The following SSTR3 variants were observed in gnomAD, a reference collection of about 807,000 sequenced individuals.
The protein encoded by SSTR3 is somatostatin receptor 3.
For missense variants in SSTR3, 504 were observed against 604.7 expected, an observed-to-expected ratio of 0.83 and a Z score of 1.75; for synonymous variants, 281 against 269.2, an observed-to-expected ratio of 1.04 and a Z score of -0.43.
chr22:37,210,982 A>G (rs1010099157), intron 1 of SSTR3: 3 of 985,494 alleles, frequency 3.0e-6, no homozygotes, highest in Non-Finnish European at 3.6e-6. Context: ...GAGATCCTCA[A>G]GAAGCCCAAG....
In SSTR3 at chr22:37,207,761, G is replaced by T. The variant is rs1354652511; in HGVS notation, c.43C>A (p.Pro15Thr). Residue 15 changes from proline (P) to threonine (T), a missense_variant, in exon 2 of 2, where the codon CCT (proline) becomes ACT (threonine). By Grantham distance (38) the Pro-to-Thr change is conservative (BLOSUM62 -1). Coordinates refer to ENST00000610913, the MANE Select transcript of SSTR3 (RefSeq NM_001051.5). ...GGCCAGGCCGAGGAGGCATTCTCAG[G>T]TTCTGAGGTCGTGGACACCGATGAT... is the stretch of plus-strand genomic sequence containing the variant. ...HPSSVSTTSE[P>T]ENASSAWPPD... 1 of 1,516,966 alleles carries T rather than the reference G, an allele frequency of 6.6e-7. No individual in the cohort carries two copies. Among genetic ancestry groups the T allele is most frequent in the African/African-American group, 1.4e-5 (1 of 71,770 alleles). The allele number at this position is 1,516,966 out of a possible 1,614,324, so 94.0% of individuals were successfully genotyped here. A position where few individuals can be genotyped will look rare whatever the true frequency, so the allele number is the denominator to read the frequency against.
At chr22:37,211,653 C>G (rs528384670) in intron 1 of SSTR3, among the ~76,000 whole-genome samples, 172 bp downstream of exon 1, 12 of 152,268 alleles carry the variant, frequency 7.9e-5, no homozygotes, top group Non-Finnish European at 1.3e-4. Context: ...CTGAGACTAA[C>G]GCCCCTGCCC....
At chr22:37,212,717 C>G (rs571158286), upstream of SSTR3, among the ~76,000 whole-genome samples, 65 of 152,288 alleles carry the variant, frequency 4.3e-4, no homozygotes, top group African/African-American at 1.5e-3. Flanking sequence ...GCCACTGCGG[C>G]ACAGGTCCCC....
upstream of SSTR3, among the ~76,000 whole-genome samples, chr22:37,216,402 T>TA (rs1460200419): frequency 6.6e-5 from 10 of 152,206 alleles, no homozygotes; most frequent in South Asian, 2.1e-4. Flanking sequence ...GAGTTTCGGT[T>TA]AAATGCATAT....
chr22:37,215,295 T>C (rs1376492128), upstream of SSTR3, among the ~76,000 whole-genome samples: 3 of 152,250 alleles, frequency 2.0e-5, no homozygotes, highest in Non-Finnish European at 4.4e-5. Context: ...TTGGCCAAGC[T>C]AGCCTCAAAC....
chr22:37,207,500 C>A lies in SSTR3; in HGVS notation c.304G>T (p.Ala102Ser). 6.2e-7 allele frequency: 1 copy of A among 1,613,512 alleles called. No individual in the cohort carries two copies. ...LFMLGLPFLAAQNALSYWPFG... is the reference protein window; with the variant it reads ...LFMLGLPFLASQNALSYWPFG... ...GGCCAGTAGGACAGGGCGTTCTGGG[C>A]GGCCAGGAAGGGCAGCCCCAGCATG... is the stretch of plus-strand genomic sequence containing the variant. Residue 102 changes from alanine to serine, a missense_variant, in exon 2 of 2, where the codon GCC becomes TCC. Physicochemically the swap from Ala to Ser is moderately conservative, Grantham distance 99. Transcript: ENST00000610913.
At chr22:37,218,353 C>T in the SSTR3 span, among the ~76,000 whole-genome samples, 3 of 151,980 alleles carry the variant, frequency 2.0e-5, no homozygotes, top group African/African-American at 2.4e-5. Flanking sequence ...GGTGGGAGTT[C>T]GAGACCAGCC....
At chr22:37,217,194 T>C (rs1344221279), upstream of SSTR3, among the ~76,000 whole-genome samples, 3 of 152,194 alleles carry the variant, frequency 2.0e-5, no homozygotes, top group Admixed American at 6.5e-5. Flanking sequence ...CACATGTTGA[T>C]AGGTAGGCTA....
At position 37,206,803 on chromosome 22, in the gene SSTR3, C is replaced by T. The variant is rs139709130; in HGVS notation, c.1001G>A (p.Arg334His). 2.0e-5 allele frequency: 33 copies of T among 1,612,218 alleles called. No homozygotes were observed. Among genetic ancestry groups the T allele is most frequent in the Admixed American group, 8.3e-5 (5 of 60,000 alleles). The change falls in exon 2 of 2, where the codon CGT (arginine) becomes CAT (histidine). Residue 334 changes from arginine to histidine, a missense_variant. Transcript: ENST00000610913. ...CACAGTGGGCTCCTGGCTGCGCACA[C>T]GGCGGGAGGGCCGCAGCAGGACCCT... is the stretch of plus-strand genomic sequence containing the variant. ...FRRVLLRPSR[R>H]VRSQEPTVGP...
At position 37,207,318 on chromosome 22, in the gene SSTR3, C is replaced by G. The variant is rs781097186; in HGVS notation, c.486G>C (p.Thr162=). Residue 162 remains threonine, a synonymous_variant, in exon 2 of 2, where the codon ACG becomes ACC. Coordinates refer to ENST00000610913, the MANE Select transcript of SSTR3 (RefSeq NM_001051.5). ...AGGCCACCCACACAGCCGCGCTGAC[C>G]GTGCGGGCCACCGGAGCTGTGCGCC... is the stretch of plus-strand genomic sequence containing the variant. ...ARWRTAPVAR[T]VSAAVWVASA... is the part of the protein sequence containing the mutation. The G allele has an allele frequency of 1.9e-6, 3 of 1,595,502 alleles. No individual in the cohort carries two copies. The Admixed American group carries it at 5.1e-5, about 27-fold the overall frequency.
chr22:37,214,996 C>G (rs537522114), upstream of SSTR3, among the ~76,000 whole-genome samples: 5 of 152,254 alleles, frequency 3.3e-5, no homozygotes, highest in African/African-American at 1.2e-4. Flanking sequence ...CTCCAGAGCC[C>G]TCCCCTTCTC....
chr22:37,206,213 GC>G lies in SSTR3; in HGVS notation c.*333del. The G allele has an allele frequency of 4.0e-6, 1 of 251,410 alleles. No homozygotes were observed. The highest frequency in any genetic ancestry group is 7.5e-6 in the Non-Finnish European group (1 of 133,224). The allele number at this position is 251,410 out of a possible 1,614,324, so 15.6% of individuals were successfully genotyped here. A position where few individuals can be genotyped will look rare whatever the true frequency, so the allele number is the denominator to read the frequency against. ...TCTGAGGGCCAAGATTCTAGTTGAT[GC>G]CCCAAGACACTCCATCCCTGGGGGG... On this transcript the variant is annotated 3_prime_UTR_variant, in exon 2 of 2. Transcript: ENST00000610913.
intron 1 of SSTR3, among the ~76,000 whole-genome samples, chr22:37,208,095 A>T (rs915980834): frequency 6.6e-6 from 1 of 152,122 alleles, no homozygotes; most frequent in African/African-American, 2.4e-5. Context: ...TCCATCGTGG[A>T]GTGAGGGTGT....
chr22:37,207,263 A>C lies in SSTR3; in HGVS notation c.541T>G (p.Phe181Val), dbSNP rs769666782. ...SAVVVLPVVV[F>V]SGVPRGMSTC... ...CTCATGCCGCGGGGCACTCCCGAGAAGACCACCACGGGCAGCACCACCACG... is the reference window on the plus strand; with the variant it reads ...CTCATGCCGCGGGGCACTCCCGAGACGACCACCACGGGCAGCACCACCACG... Residue 181 changes from phenylalanine to valine, a missense_variant, in exon 2 of 2, where the codon TTC becomes GTC. Phe to Val is a conservative substitution (Grantham distance 50, BLOSUM62 -1). Coordinates refer to ENST00000610913, the MANE Select transcript of SSTR3 (RefSeq NM_001051.5). The C allele has an allele frequency of 5.0e-6, 8 of 1,600,652 alleles. No homozygotes were observed. The highest frequency in any genetic ancestry group is 6.8e-6 in the Non-Finnish European group (8 of 1,172,890).
rs1925905504 is a variant in SSTR3, at chr22:37,207,530, G to C, written c.274C>G (p.Leu92Val). 3 of 1,613,490 alleles carry C rather than the reference G, an allele frequency of 1.9e-6. No individual in the cohort carries two copies. The highest frequency in any genetic ancestry group is 2.5e-6 in the Non-Finnish European group (3 of 1,179,990). The stretch of plus-strand genomic sequence containing the variant: ...AGGAAGGGCAGCCCCAGCATGAAGA[G>C]CTCGTCGGCCAGCGCCAGGTTGAGG... ...YILNLALADELFMLGLPFLAA... is the reference protein window; with the variant it reads ...YILNLALADEVFMLGLPFLAA... The change falls in exon 2 of 2, where the codon CTC becomes GTC. Residue 92 changes from leucine (L) to valine (V), a missense_variant. Leu to Val is a conservative substitution (Grantham distance 32, BLOSUM62 1). Coordinates refer to ENST00000610913, the MANE Select transcript of SSTR3 (RefSeq NM_001051.5).
chr22:37,210,345 A>T (rs557323537), intron 1 of SSTR3, among the ~76,000 whole-genome samples: 1 of 151,802 alleles, frequency 6.6e-6, no homozygotes, highest in African/African-American at 2.4e-5. Flanking sequence ...TGACACACAC[A>T]TGGTCCTGGC....
At chr22:37,213,831 C>T (rs146500691), upstream of SSTR3, among the ~76,000 whole-genome samples, 2,331 of 152,338 alleles carry the variant, frequency 0.015, 24 homozygotes, top group Middle Eastern at 0.041. Context: ...GCCGCCTGCG[C>T]GGGCCTCCTC....
the SSTR3 span, among the ~76,000 whole-genome samples, chr22:37,217,955 C>T: frequency 6.6e-6 from 1 of 152,198 alleles, no homozygotes; most frequent in Non-Finnish European, 1.5e-5. Context: ...CCATCCACCT[C>T]GGCCTCCCAA....
chr22:37,220,498 G>A, the SSTR3 span, among the ~76,000 whole-genome samples: 1 of 152,182 alleles, frequency 6.6e-6, no homozygotes, highest in Non-Finnish European at 1.5e-5. Context: ...GTTGCAGTGA[G>A]CTGAGATCAT....
Sources: gnomAD v4.1 joint callset for allele counts (sites outside exome capture counted in the v4.1 genomes callset) on GRCh38, gnomAD v4.1.1 for gene constraint, MANE v1.5 for transcripts, NCBI Gene and HGNC (gene_info 2026-07-23, HGNC 2026-07-21) for gene names.